Variants in TYW1 observed in about 807,000 individuals in gnomAD.
TYW1 encodes the protein S-adenosyl-L-methionine-dependent tRNA 4-demethylwyosine synthase TYW1.
Under a neutral mutation model 96.2 loss-of-function variants are expected in TYW1, and 46 were observed. The ratio of observed to expected loss-of-function variants is 0.48; its 90% CI spans 0.38 to 0.61. The LOEUF (loss-of-function observed/expected upper bound fraction) is 0.61. Among genes scored for constraint, TYW1 ranks in the 20% least tolerant of loss-of-function variants. The pLI is 0.00. For missense variants in TYW1, 684 were observed against 909.6 expected (o/e 0.75, Z 3.19); for synonymous variants, 274 against 323.0 (o/e 0.85, Z 1.63).
At position 67,076,397 on chromosome 7, in the gene TYW1, A is replaced by G. The variant is rs140021464; in HGVS notation, c.1275-7033A>G. 8.7e-4 allele frequency among the ~76,000 whole-genome samples: 132 copies of G among 152,338 alleles called. 1 individual carries two copies. Among genetic ancestry groups the G allele is most frequent in the Admixed American group, 4.3e-3 (66 of 15,300 alleles). ...TTCTTTGTGACACTGGGGAACAAGC[A>G]TTTCTAACAATGCACAACTCTGTGA... On this transcript the variant is annotated intron_variant, in intron 10 of 15. Transcript: ENST00000359626.
intron 6 of TYW1, among the ~76,000 whole-genome samples, chr7:67,024,147 C>A (rs958178234): frequency 5.9e-5 from 9 of 152,058 alleles, no homozygotes; most frequent in African/African-American, 1.9e-4. Context: ...TGCCCTTTCA[C>A]AGTTGTTAGT....
chr7:67,215,839 C>T (rs1188984467), intron 15 of TYW1, among the ~76,000 whole-genome samples: 2 of 152,064 alleles, frequency 1.3e-5, no homozygotes, highest in Admixed American at 6.6e-5. Context: ...AGGCTAGGCC[C>T]GTCTCTCCTT....
intron 14 of TYW1, among the ~76,000 whole-genome samples, chr7:67,185,739 G>A (rs1172269081): frequency 6.6e-6 from 1 of 152,162 alleles, no homozygotes; most frequent in Non-Finnish European, 1.5e-5. Flanking sequence ...GTAAGATAGG[G>A]CTAGAAATAA....
At chr7:67,168,274 A>C (rs986945664) in intron 13 of TYW1, among the ~76,000 whole-genome samples, 1 of 152,010 alleles carries the variant, frequency 6.6e-6, no homozygotes, top group African/African-American at 2.4e-5. Flanking sequence ...CTTGGTTACT[A>C]TGTATTATCT....
chr7:67,214,053 C>G (rs1267432497), intron 15 of TYW1, among the ~76,000 whole-genome samples: 2 of 152,152 alleles, frequency 1.3e-5, no homozygotes, highest in East Asian at 1.9e-4. Flanking sequence ...CAAAATCACT[C>G]TCTAGGATTT....
At chr7:67,081,290 G>A (rs1402671685) in intron 10 of TYW1, among the ~76,000 whole-genome samples, 4 of 144,826 alleles carry the variant, frequency 2.8e-5, no homozygotes, top group Non-Finnish European at 3.0e-5. Context: ...TGAGGTTTCT[G>A]CTGAGAAATC....
At chr7:67,170,201 G>A (rs1799474280) in intron 13 of TYW1, among the ~76,000 whole-genome samples, 1 of 152,052 alleles carries the variant, frequency 6.6e-6, no homozygotes, top group Non-Finnish European at 1.5e-5. Context: ...TTTCCCCATT[G>A]CATTGTCTTT....
intron 13 of TYW1, among the ~76,000 whole-genome samples, chr7:67,160,698 T>A (rs1401811487): frequency 6.6e-6 from 1 of 150,568 alleles, no homozygotes; most frequent in East Asian, 1.9e-4. Flanking sequence ...TTCAAGCAAT[T>A]CTCCTGCCTC....
chr7:67,140,362 T>G, intron 13 of TYW1, among the ~76,000 whole-genome samples: 1 of 149,304 alleles, frequency 6.7e-6, no homozygotes, highest in East Asian at 1.9e-4. Flanking sequence ...TGTTTTGAGA[T>G]TGAATAATTC....
intron 15 of TYW1, among the ~76,000 whole-genome samples, chr7:67,218,668 G>C (rs1235112789): frequency 1.3e-5 from 2 of 152,144 alleles, no homozygotes; most frequent in African/African-American, 4.8e-5. Flanking sequence ...TATTGTTTAT[G>C]AACCTGTTTT....
chr7:67,066,733 A>G (rs574951793), intron 9 of TYW1, among the ~76,000 whole-genome samples: 17 of 152,304 alleles, frequency 1.1e-4, no homozygotes, highest in African/African-American at 3.8e-4. Flanking sequence ...CCATAGTCCC[A>G]GCTACTTGAG....
intron 13 of TYW1, among the ~76,000 whole-genome samples, chr7:67,129,211 G>A (rs1345554663): frequency 6.6e-6 from 1 of 152,134 alleles, no homozygotes; most frequent in East Asian, 1.9e-4. Flanking sequence ...TGGTTAAATC[G>A]TTTCTCCTGG....
At chr7:67,137,073 A>G (rs1798286769) in intron 13 of TYW1, among the ~76,000 whole-genome samples, 1 of 148,544 alleles carries the variant, frequency 6.7e-6, no homozygotes, top group African/African-American at 2.5e-5. Context: ...CTGGCCTCCC[A>G]AAGTTCTGGG....
chr7:67,231,751 G>A (rs1309915501), intron 15 of TYW1, among the ~76,000 whole-genome samples: 1 of 151,474 alleles, frequency 6.6e-6, no homozygotes, highest in Non-Finnish European at 1.5e-5. Flanking sequence ...CAGACGGTGT[G>A]TCTGGTTTTA....
At chr7:67,152,931 A>G (rs1798849972) in intron 13 of TYW1, among the ~76,000 whole-genome samples, 2 of 152,070 alleles carry the variant, frequency 1.3e-5, no homozygotes. Context: ...GGCACCTTGG[A>G]ATCTAAAGGA....
chr7:67,186,934 G>A (rs1329443760), intron 14 of TYW1, among the ~76,000 whole-genome samples: 4 of 151,872 alleles, frequency 2.6e-5, no homozygotes, highest in Non-Finnish European at 5.9e-5. Context: ...TTATATGAAT[G>A]TGCTGTTGGG....
Position 67,178,465 on chromosome 7 carries a change from T to G in TYW1, c.1699-4661T>G, listed in dbSNP as rs548954688. Reference sequence around the variant, plus strand: ...ACAGTAGCATTTTATAAAATTTCCTTAAACAGGCAAAACTAAACTCTGGTG... The same window carrying G: ...ACAGTAGCATTTTATAAAATTTCCTGAAACAGGCAAAACTAAACTCTGGTG... On this transcript the variant is annotated intron_variant, in intron 13 of 15. Transcript: ENST00000359626. Among the ~76,000 whole-genome samples the G allele has an allele frequency of 2.0e-3, 303 of 152,288 alleles. 1 individual carries two copies. The highest frequency in any genetic ancestry group is 3.6e-3 in the Non-Finnish European group (248 of 68,014).
At chr7:67,080,940 GTTTTTTTTTTTTTTT>G (rs71049495) in intron 10 of TYW1, among the ~76,000 whole-genome samples, 1 of 37,252 alleles carries the variant, frequency 2.7e-5, no homozygotes, top group Admixed American at 3.7e-4. Context: ...CTTTCTTACT[GTTTTTTTTTTTTTTT>G]TTTTTTTTTT....
intron 9 of TYW1, among the ~76,000 whole-genome samples, chr7:67,065,908 G>A (rs945104922): frequency 2.1e-4 from 32 of 151,970 alleles, no homozygotes; most frequent in African/African-American, 7.0e-4. Flanking sequence ...CTACTTGGGA[G>A]GCTGAGGCAG....
Sources: allele counts gnomAD v4.1 joint callset (sites outside exome capture counted in the v4.1 genomes callset), GRCh38; gene constraint gnomAD v4.1.1; transcripts MANE v1.5; gene names NCBI Gene and HGNC (gene_info 2026-07-23, HGNC 2026-07-21).